The following MAML3 variants were observed in gnomAD, a reference collection of about 807,000 sequenced individuals.
MAML3 encodes mastermind-like protein 3.
In MAML3, 27 loss-of-function variants were observed where a neutral mutation model predicts 101.9. The observed-to-expected ratio is 0.27, with a 90% confidence interval of 0.20 to 0.37. The LOEUF (loss-of-function observed/expected upper bound fraction) is 0.37, where lower values mean the gene tolerates loss of function less well. Ranked by LOEUF, MAML3 falls within the 10% of genes least tolerant of loss-of-function variation. MAML3 has a pLI of 1.00. For synonymous variants in MAML3, 501 were observed against 555.9 expected, an observed-to-expected ratio of 0.90 and a Z score of 1.39; for missense variants, 1,316 against 1,444.9, an observed-to-expected ratio of 0.91 and a Z score of 1.45.
chr4:140,052,931 G>C (rs568315952), intron 1 of MAML3, among the ~76,000 whole-genome samples: 1 of 152,078 alleles, frequency 6.6e-6, no homozygotes, highest in African/African-American at 2.4e-5. Context: ...GTGAGTAAGT[G>C]GTGATAAATT....
At chr4:139,910,533 T>C (rs1732897821) in intron 1 of MAML3, among the ~76,000 whole-genome samples, 1 of 152,220 alleles carries the variant, frequency 6.6e-6, no homozygotes, top group African/African-American at 2.4e-5. Context: ...ATGCAACTAG[T>C]GGCTATTATA....
At chr4:140,096,492 G>C (rs146907881) in intron 1 of MAML3, among the ~76,000 whole-genome samples, 1 of 152,212 alleles carries the variant, frequency 6.6e-6, no homozygotes, top group Non-Finnish European at 1.5e-5. Flanking sequence ...CTTGTGGAAG[G>C]GGTCATCTAG....
intron 1 of MAML3, among the ~76,000 whole-genome samples, chr4:140,034,641 T>C (rs1484255762): frequency 5.3e-5 from 8 of 152,192 alleles, no homozygotes; most frequent in Non-Finnish European, 1.0e-4. Context: ...GGAATCAGAG[T>C]ACCTGGATTC....
At chr4:139,812,314 C>A (rs926519087) in intron 2 of MAML3, among the ~76,000 whole-genome samples, 1 of 152,186 alleles carries the variant, frequency 6.6e-6, no homozygotes, top group African/African-American at 2.4e-5. Flanking sequence ...TGAAGGTGCA[C>A]ATGGGGCTAA....
At chr4:140,114,300 G>T (rs966305246) in intron 1 of MAML3, among the ~76,000 whole-genome samples, 1 of 152,196 alleles carries the variant, frequency 6.6e-6, no homozygotes, top group Non-Finnish European at 1.5e-5. Flanking sequence ...TACTTTACCT[G>T]TATCTGTGCT....
chr4:139,879,793 T>C (rs949674654), intron 2 of MAML3, among the ~76,000 whole-genome samples: 10 of 152,184 alleles, frequency 6.6e-5, no homozygotes, highest in Non-Finnish European at 1.0e-4. Flanking sequence ...AGAACCACTG[T>C]TCGATGGGTT....
At chr4:140,131,124 G>A (rs1171390213) in intron 1 of MAML3, among the ~76,000 whole-genome samples, 1 of 152,176 alleles carries the variant, frequency 6.6e-6, no homozygotes, top group Non-Finnish European at 1.5e-5. Context: ...TTCAGTGAAG[G>A]TCAAGCCCTC....
intron 1 of MAML3, among the ~76,000 whole-genome samples, chr4:140,115,253 C>T (rs1728499820): frequency 6.6e-6 from 1 of 152,184 alleles, no homozygotes. Context: ...CATAACAATA[C>T]ATTTTATTTT....
At position 140,064,588 on chromosome 4, in the gene MAML3, TC is replaced by T. The variant is rs536018723; in HGVS notation, c.468+88271del. Among the ~76,000 whole-genome samples the T allele has an allele frequency of 2.0e-5, 3 of 152,312 alleles. No individual in the cohort carries two copies. In the South Asian group the frequency reaches 6.2e-4, roughly 32 times the overall value. On this transcript the variant is annotated intron_variant, in intron 1 of 4. Coordinates refer to ENST00000509479, the MANE Select transcript of MAML3 (RefSeq NM_018717.5). ...CTCGATGAAAGGTAAAAGGTAACCA[TC>T]CAGCTTGGGCTTCTAGTTCCCAGCA...
chr4:140,104,713 A>T (rs1728322152), intron 1 of MAML3, among the ~76,000 whole-genome samples: 1 of 151,624 alleles, frequency 6.6e-6, no homozygotes, highest in East Asian at 1.9e-4. Context: ...GGCTGGTCTC[A>T]AACTCCTGAG....
rs764107754 is a variant in MAML3 at position 140,152,889 on chromosome 4, C to T, written c.439G>A (p.Ala147Thr). Residue 147 changes from alanine (A) to threonine (T), a missense_variant, in exon 1 of 5, where the codon GCG becomes ACG. By Grantham distance (58) the Ala-to-Thr change is moderately conservative. Coordinates refer to ENST00000509479, the MANE Select transcript of MAML3 (RefSeq NM_018717.5). The part of the protein sequence containing the change: ...KPQQDAEAAS[A>T]EQRNHTLIML... The stretch of plus-strand genomic sequence containing the variant: ...ATCAGCGTGTGGTTCCTCTGCTCCG[C>T]CGAGGCAGCCTCCGCATCTTGCTGG... The T allele has an allele frequency of 1.2e-6, 2 of 1,612,286 alleles. No individual in the cohort carries two copies. Among genetic ancestry groups the T allele is most frequent in the Admixed American group, 1.7e-5 (1 of 59,988 alleles).
chr4:140,022,808 A>G (rs1726753112), intron 1 of MAML3, among the ~76,000 whole-genome samples: 1 of 152,184 alleles, frequency 6.6e-6, no homozygotes, highest in South Asian at 2.1e-4. Flanking sequence ...ATCTGTCACT[A>G]CTAACTCAAT....
At chr4:140,043,555 T>A (rs1727121986) in intron 1 of MAML3, among the ~76,000 whole-genome samples, 1 of 152,190 alleles carries the variant, frequency 6.6e-6, no homozygotes, top group African/African-American at 2.4e-5. Flanking sequence ...CACATATTTT[T>A]AGGCAAGTAT....
chr4:139,830,564 G>A (rs1011337808), intron 2 of MAML3, among the ~76,000 whole-genome samples: 15 of 151,642 alleles, frequency 9.9e-5, no homozygotes, highest in African/African-American at 2.9e-4. Context: ...ACAGGTGCCC[G>A]CCACCACGCC....
chr4:139,783,045 G>A (rs1490819301), intron 2 of MAML3, among the ~76,000 whole-genome samples: 1 of 152,074 alleles, frequency 6.6e-6, no homozygotes, highest in Non-Finnish European at 1.5e-5. Flanking sequence ...TCCTTCCCCA[G>A]GGCTTGTCAT....
chr4:140,021,748 C>T (rs1726737212), intron 1 of MAML3, among the ~76,000 whole-genome samples: 1 of 152,152 alleles, frequency 6.6e-6, no homozygotes, highest in South Asian at 2.1e-4. Context: ...CACCAACCTC[C>T]CTTCTTCCTC....
chr4:139,747,350 T>A (rs1370599620), intron 2 of MAML3, among the ~76,000 whole-genome samples: 1 of 152,208 alleles, frequency 6.6e-6, no homozygotes. Flanking sequence ...AGCATCTGCA[T>A]GCATCTCTTT....
intron 1 of MAML3, among the ~76,000 whole-genome samples, chr4:139,949,388 T>C (rs1352325842): frequency 6.6e-6 from 1 of 152,198 alleles, no homozygotes; most frequent in Admixed American, 6.5e-5. Flanking sequence ...CTCCCACTCT[T>C]TCAGTGCTCT....
intron 1 of MAML3, among the ~76,000 whole-genome samples, chr4:140,117,675 G>A (rs772588165): frequency 2.0e-5 from 3 of 151,076 alleles, no homozygotes; most frequent in African/African-American, 7.3e-5. Context: ...ACATATATAC[G>A]TATGTGTATA....
Sources: gnomAD v4.1 joint callset for allele counts (sites outside exome capture counted in the v4.1 genomes callset) on GRCh38, gnomAD v4.1.1 for gene constraint, MANE v1.5 for transcripts, NCBI Gene and HGNC (gene_info 2026-07-23, HGNC 2026-07-21) for gene names.